Variants in FRY observed in about 807,000 individuals in gnomAD.
FRY encodes the protein FRY microtubule binding protein, also known as protein furry homolog.
In FRY, 128 loss-of-function variants were observed where a neutral mutation model predicts 348.4. That is an observed-to-expected ratio of 0.37 (90% CI 0.32 to 0.43). The LOEUF (loss-of-function observed/expected upper bound fraction) is 0.43. Ranked by LOEUF, FRY falls within the 20% of genes least tolerant of loss-of-function variation. The probability of loss-of-function intolerance (pLI) is 1.00; values close to 1 mark genes in which losing one functional copy is unlikely to be tolerated. For missense variants in FRY, 2,736 were observed against 3,695.2 expected (o/e 0.74, Z 6.73); for synonymous variants, 1,370 against 1,374.7 (o/e 1.00, Z 0.08).
chr13:32,090,368 A>C (rs1876211728), intron 2 of FRY, among the ~76,000 whole-genome samples: 1 of 151,040 alleles, frequency 6.6e-6, no homozygotes, highest in African/African-American at 2.4e-5. Context: ...AAAAAAAAAA[A>C]AAAAGGAAAC....
At chr13:32,052,704 T>C (rs1873400823) in intron 1 of FRY, among the ~76,000 whole-genome samples, 1 of 152,218 alleles carries the variant, frequency 6.6e-6, no homozygotes, top group Admixed American at 6.5e-5. Flanking sequence ...AAATTTACAG[T>C]TGAAAAAGTA....
chr13:32,254,484 G>C, intron 51 of FRY, 90 bp downstream of exon 51: 1 of 1,184,906 alleles, frequency 8.4e-7, no homozygotes, highest in Non-Finnish European at 1.3e-6. Flanking sequence ...ATGAGTTTTT[G>C]TAACAAGATC....
intron 47 of FRY, 38 bp from the exon 48 acceptor site, chr13:32,247,285 A>G (rs769452533): frequency 6.5e-7 from 1 of 1,547,768 alleles, no homozygotes; most frequent in Non-Finnish European, 8.9e-7. Flanking sequence ...TAAAAAAATT[A>G]AATTATTTTT....
chr13:32,072,580 C>G (rs1874736605), intron 1 of FRY, among the ~76,000 whole-genome samples: 1 of 149,648 alleles, frequency 6.7e-6, no homozygotes, highest in African/African-American at 2.6e-5. Context: ...TTTGCAGTAC[C>G]TTTTTACATG....
rs75728783 is a variant in FRY, at chr13:32,145,360, C to T, written c.1180-1922C>T. Among the ~76,000 whole-genome samples, 321 of 152,080 alleles carry T rather than the reference C, an allele frequency of 2.1e-3. 2 individuals are homozygous for T. The highest frequency in any genetic ancestry group is 7.1e-3 in the African/African-American group (296 of 41,472). On this transcript the variant is annotated intron_variant, in intron 11 of 60. Coordinates refer to ENST00000542859, the MANE Select transcript of FRY (RefSeq NM_023037.3). ...CAGATGACAGTGTTGGGAGCCTGAG[C>T]TATAGCAAAGGAAATGAGAATGGAT...
At chr13:32,104,041 A>G (rs1011575185) in intron 3 of FRY, among the ~76,000 whole-genome samples, 1 of 152,022 alleles carries the variant, frequency 6.6e-6, no homozygotes, top group African/African-American at 2.4e-5. Flanking sequence ...TCTTTATCTT[A>G]TTAAATTATC....
At chr13:32,065,047 G>T (rs904286454) in intron 1 of FRY, among the ~76,000 whole-genome samples, 4 of 152,134 alleles carry the variant, frequency 2.6e-5, no homozygotes, top group African/African-American at 7.2e-5. Context: ...ATTACAGATG[G>T]TGTTCAATTC....
intron 59 of FRY, among the ~76,000 whole-genome samples, chr13:32,290,947 CCAGA>C (rs1358945910): frequency 2.0e-5 from 3 of 152,128 alleles, no homozygotes; most frequent in African/African-American, 7.2e-5. Flanking sequence ...GATGCTGTGT[CCAGA>C]CAGTCAAGCC....
At chr13:32,162,859 T>G (rs1235960230) in intron 17 of FRY, among the ~76,000 whole-genome samples, 2 of 152,070 alleles carry the variant, frequency 1.3e-5, no homozygotes, top group Non-Finnish European at 2.9e-5. Flanking sequence ...AAGAGTACAT[T>G]CCCTGGAAGC....
chr13:32,111,419 C>G (rs1877952473), intron 3 of FRY, among the ~76,000 whole-genome samples: 1 of 152,036 alleles, frequency 6.6e-6, no homozygotes, highest in South Asian at 2.1e-4. Flanking sequence ...TCACTTGAAC[C>G]TGGGAGGCAG....
At chr13:32,230,729 G>T (rs1249388970) in intron 40 of FRY, among the ~76,000 whole-genome samples, 2 of 152,142 alleles carry the variant, frequency 1.3e-5, no homozygotes, top group Non-Finnish European at 2.9e-5. Flanking sequence ...TTGAGGAATC[G>T]CCACACTGTC....
intron 3 of FRY, among the ~76,000 whole-genome samples, chr13:32,105,832 G>A (rs1877508413): frequency 6.6e-6 from 1 of 151,956 alleles, no homozygotes; most frequent in African/African-American, 2.4e-5. Context: ...GAACAACAGG[G>A]TATATAGAGC....
rs1479541968 is a variant in FRY, at chr13:32,102,019, A to G, written c.324+3A>G. On this transcript the variant is annotated splice_donor_region_variant and intron_variant, in intron 3 of 60. Coordinates refer to ENST00000542859, the MANE Select transcript of FRY (RefSeq NM_023037.3). Reference sequence around the variant, plus strand: ...GAGAAGACCCCCAATTTGATCAGGTATGTGATATATATGTTATATACTAGT... The same window carrying G: ...GAGAAGACCCCCAATTTGATCAGGTGTGTGATATATATGTTATATACTAGT... 6.7e-7 allele frequency: 1 copy of G among 1,496,808 alleles called. No homozygotes were observed. The highest frequency in any genetic ancestry group is 1.1e-5 in the South Asian group (1 of 88,646). The allele number at this position is 1,496,808 out of a possible 1,614,324, so 92.7% of individuals were successfully genotyped here.
chr13:32,290,763 A>G (rs1264374989), intron 59 of FRY, among the ~76,000 whole-genome samples: 2 of 151,998 alleles, frequency 1.3e-5, no homozygotes, highest in African/African-American at 2.4e-5. Context: ...AGCGCTAGGT[A>G]TGGAGAGGAG....
At chr13:32,273,222 C>CT (rs552249398) in intron 55 of FRY, among the ~76,000 whole-genome samples, 5,471 of 124,142 alleles carry the variant, frequency 0.044, 489 homozygotes, top group African/African-American at 0.15. Flanking sequence ...TTTAACTGTT[C>CT]TTTTTTTTTT....
chr13:32,254,966 A>C (rs1259331630), intron 51 of FRY, among the ~76,000 whole-genome samples: 5 of 152,196 alleles, frequency 3.3e-5, no homozygotes, highest in African/African-American at 1.2e-4. Context: ...AGCCAAATTC[A>C]AGTCTCAGTG....
rs187856927 is a variant in FRY, at chr13:32,167,862, C to T, written c.1893-3150C>T. On this transcript the variant is annotated intron_variant, in intron 17 of 60. Coordinates refer to ENST00000542859, the MANE Select transcript of FRY (RefSeq NM_023037.3). The stretch of plus-strand genomic sequence containing the variant: ...AGTGCTTTTCATAAACTAGTGTTTT[C>T]AAACCATGGACTGCAGAGATGACTC... 6.9e-4 allele frequency among the ~76,000 whole-genome samples: 105 copies of T among 152,278 alleles called. 2 individuals are homozygous for T. The highest frequency in any genetic ancestry group is 2.5e-3 in the African/African-American group (105 of 41,560).
In FRY at chr13:32,131,698, T is replaced by C. The variant is rs775398664; in HGVS notation, c.743T>C (p.Met248Thr). 1.9e-6 allele frequency: 3 copies of C among 1,613,910 alleles called. No homozygotes were observed. Among genetic ancestry groups the C allele is most frequent in the South Asian group, 1.1e-5 (1 of 91,080 alleles). ...AKFPAVKKKF[M>T]AELKELRHKE... ...TTCCCTGCTGTAAAGAAGAAATTTA[T>C]GGCGGAGCTAAAAGAATTACGGCAC... The change falls in exon 8 of 61, where the codon ATG becomes ACG. Residue 248 changes from methionine to threonine, a missense_variant. Around this residue, in one of 9 missense-constraint regions of FRY, gnomAD observed 309 missense variants for 418.1 expected, o/e 0.74. Coordinates refer to ENST00000542859, the MANE Select transcript of FRY (RefSeq NM_023037.3).
chr13:32,091,349 G>A (rs1394733843), intron 2 of FRY, among the ~76,000 whole-genome samples: 1 of 152,166 alleles, frequency 6.6e-6, no homozygotes, highest in Non-Finnish European at 1.5e-5. Context: ...CACCAGTGGG[G>A]TGCCGATTAC....
Sources: allele counts gnomAD v4.1 joint callset (sites outside exome capture counted in the v4.1 genomes callset), GRCh38; gene constraint gnomAD v4.1.1; regional missense constraint gnomAD v4.1.1; transcripts MANE v1.5; gene names NCBI Gene and HGNC (gene_info 2026-07-23, HGNC 2026-07-21).